The following CACNB2 variants were observed in gnomAD, a reference collection of about 807,000 sequenced individuals.
CACNB2 encodes voltage-dependent L-type calcium channel subunit beta-2.
A neutral mutation model predicts 73.3 loss-of-function variants in CACNB2; 42 were observed. The ratio of observed to expected loss-of-function variants is 0.57; its 90% CI spans 0.45 to 0.74. CACNB2 has a LOEUF of 0.74. Among genes scored for constraint, CACNB2 ranks in the 30% least tolerant of loss-of-function variants. The pLI, the probability that CACNB2 is intolerant of heterozygous loss-of-function variation, is 0.00. For missense variants in CACNB2, 940 were observed against 853.0 expected, an observed-to-expected ratio of 1.10 and a Z score of -1.27; for synonymous variants, 348 against 310.3, an observed-to-expected ratio of 1.12 and a Z score of -1.28.
At chr10:18,381,031 TGAA>T (rs1457496566) in intron 2 of CACNB2, among the ~76,000 whole-genome samples, 1 of 151,884 alleles carries the variant, frequency 6.6e-6, no homozygotes, top group Non-Finnish European at 1.5e-5. Context: ...GGAGCCCCTC[TGAA>T]GAATGACAGC....
At chr10:18,285,042 G>A (rs926156271) in intron 2 of CACNB2, among the ~76,000 whole-genome samples, 22 of 152,304 alleles carry the variant, frequency 1.4e-4, no homozygotes, top group African/African-American at 5.1e-4. Flanking sequence ...AGAAAGGCCA[G>A]CAGTCAGCAG....
At chr10:18,222,445 C>T (rs1197736304) in intron 2 of CACNB2, among the ~76,000 whole-genome samples, 1 of 24,060 alleles carries the variant, frequency 4.2e-5, no homozygotes, top group African/African-American at 7.8e-5. Flanking sequence ...CTGTGAGACC[C>T]TCTGCGAAAT....
chr10:18,228,012 A>T (rs1195368017), intron 2 of CACNB2, among the ~76,000 whole-genome samples: 1 of 152,214 alleles, frequency 6.6e-6, no homozygotes. Flanking sequence ...ATTTGCAGTC[A>T]ACATTTTTAC....
chr10:18,216,488 G>A (rs1376116221), intron 2 of CACNB2, among the ~76,000 whole-genome samples: 1 of 152,106 alleles, frequency 6.6e-6, no homozygotes, highest in East Asian at 1.9e-4. Context: ...TCCCACGTAA[G>A]CATGTACAAC....
At chr10:18,527,767 C>A in intron 10 of CACNB2, 70 bp downstream of exon 10, 3 of 970,092 alleles carry the variant, frequency 3.1e-6, no homozygotes, top group African/African-American at 1.6e-5. Flanking sequence ...GAAGACCTAA[C>A]AAGATGATAA....
chr10:18,322,398 T>G (rs922335146), intron 2 of CACNB2, among the ~76,000 whole-genome samples: 1 of 152,220 alleles, frequency 6.6e-6, no homozygotes, highest in African/African-American at 2.4e-5. Flanking sequence ...TAATGTTTGT[T>G]GATTAAGGTT....
At chr10:18,336,262 C>G (rs117745321) in intron 2 of CACNB2, among the ~76,000 whole-genome samples, 3 of 152,162 alleles carry the variant, frequency 2.0e-5, no homozygotes, top group South Asian at 2.1e-4. Flanking sequence ...AAGAAAGAAC[C>G]CTGAGCTATG....
At chr10:18,502,208 G>A (rs896024696) in intron 5 of CACNB2, among the ~76,000 whole-genome samples, 2 of 152,044 alleles carry the variant, frequency 1.3e-5, no homozygotes, top group Non-Finnish European at 2.9e-5. Flanking sequence ...TCGGGAGGCT[G>A]AGGCAGGAGA....
At chr10:18,463,605 G>GT (rs773352662) in intron 3 of CACNB2, among the ~76,000 whole-genome samples, 15,515 of 145,778 alleles carry the variant, frequency 0.11, 898 homozygotes, top group Admixed American at 0.18. Context: ...GTTGTTTTTT[G>GT]TTTTTTTTTT....
intron 2 of CACNB2, among the ~76,000 whole-genome samples, chr10:18,351,441 C>G (rs897961237): frequency 3.9e-5 from 6 of 152,176 alleles, no homozygotes; most frequent in African/African-American, 1.4e-4. Context: ...ATTACTGTCT[C>G]TTTACATTCT....
At chr10:18,483,093 AAG>A (rs2048871458) in intron 3 of CACNB2, among the ~76,000 whole-genome samples, 5 of 152,132 alleles carry the variant, frequency 3.3e-5, no homozygotes, top group Admixed American at 3.3e-4. Context: ...CAAAGGTTTT[AAG>A]AGTTTCTAGA....
intron 3 of CACNB2, among the ~76,000 whole-genome samples, chr10:18,418,178 G>T (rs938406293): frequency 1.3e-5 from 2 of 152,136 alleles, no homozygotes; most frequent in African/African-American, 4.8e-5. Flanking sequence ...ATGTTCAGGC[G>T]ATTCTCCTGC....
At chr10:18,301,937 G>T (rs562749133) in intron 2 of CACNB2, among the ~76,000 whole-genome samples, 1 of 152,058 alleles carries the variant, frequency 6.6e-6, no homozygotes, top group Non-Finnish European at 1.5e-5. Flanking sequence ...ATGAGCCACC[G>T]CGCCCAGCCG....
intron 3 of CACNB2, among the ~76,000 whole-genome samples, chr10:18,409,411 TACA>T: frequency 6.6e-6 from 1 of 152,282 alleles, no homozygotes; most frequent in East Asian, 1.9e-4. Flanking sequence ...CTGCTGGGAC[TACA>T]GATATGAACC....
chr10:18,524,833 T>G (rs955235513), intron 9 of CACNB2, among the ~76,000 whole-genome samples: 2 of 148,162 alleles, frequency 1.3e-5, no homozygotes, highest in Non-Finnish European at 3.0e-5. Context: ...CAGACCAGCC[T>G]GGGCAACATA....
intron 2 of CACNB2, among the ~76,000 whole-genome samples, chr10:18,187,713 T>G (rs2034216176): frequency 6.6e-6 from 1 of 152,212 alleles, no homozygotes; most frequent in Non-Finnish European, 1.5e-5. Context: ...TTATCTTTGT[T>G]TCAAGCTGTT....
At chr10:18,346,084 C>T (rs1009159104) in intron 2 of CACNB2, among the ~76,000 whole-genome samples, 1 of 152,156 alleles carries the variant, frequency 6.6e-6, no homozygotes, top group African/African-American at 2.4e-5. Flanking sequence ...CAGGGCTCCC[C>T]CTCCAGTGGC....
chr10:18,335,366 G>A (rs1167210938), intron 2 of CACNB2, among the ~76,000 whole-genome samples: 6 of 152,170 alleles, frequency 3.9e-5, no homozygotes. Context: ...CTTGAGGCCA[G>A]GAGTTCAAGA....
chr10:18,186,987 T>A (rs2034184119), intron 2 of CACNB2, among the ~76,000 whole-genome samples: 1 of 152,168 alleles, frequency 6.6e-6, no homozygotes, highest in Admixed American at 6.5e-5. Context: ...AGGAACAGGA[T>A]GTTAATGAAT....
Sources: gnomAD v4.1 joint callset for allele counts (sites outside exome capture counted in the v4.1 genomes callset) on GRCh38, gnomAD v4.1.1 for gene constraint, MANE v1.5 for transcripts, NCBI Gene and HGNC (gene_info 2026-07-23, HGNC 2026-07-21) for gene names.